NDUFA10: variants seen among roughly 807,000 people sequenced by gnomAD.
NDUFA10 encodes NADH dehydrogenase [ubiquinone] 1 alpha subcomplex subunit 10, mitochondrial.
In NDUFA10, 40 loss-of-function variants were observed where a neutral mutation model predicts 47.8. The ratio of observed to expected loss-of-function variants is 0.84; its 90% confidence interval spans 0.65 to 1.09. The LOEUF is 1.09. NDUFA10 is among the 50% of genes least tolerant of loss of function. The pLI is 0.00. For missense variants in NDUFA10, 413 were observed against 451.1 expected (o/e 0.92, Z 0.76); for synonymous variants, 183 against 172.2 (o/e 1.06, Z -0.49).
At position 239,985,417 on chromosome 2, in the gene NDUFA10, G is replaced by A. The variant is rs564927824; in HGVS notation, c.999+4657C>T. Among the ~76,000 whole-genome samples the A allele has an allele frequency of 2.2e-4, 33 of 151,936 alleles. 1 individual carries two copies. In the South Asian group the frequency reaches 6.5e-3, roughly 30 times the overall value. On this transcript the variant is annotated intron_variant, in intron 9 of 9. Coordinates refer to ENST00000252711, the MANE Select transcript of NDUFA10 (RefSeq NM_004544.4). The stretch of plus-strand genomic sequence containing the variant: ...AACAACAGATTAGAACGAGCTGAAA[G>A]GATGATTAGTAACTTGAAAGGCAGT...
At chr2:239,966,449 G>A (rs1695061865) in intron 9 of NDUFA10, among the ~76,000 whole-genome samples, 1 of 152,184 alleles carries the variant, frequency 6.6e-6, no homozygotes. Context: ...ATGTGGCCCA[G>A]CCTGTTTGGG....
intron 4 of NDUFA10, among the ~76,000 whole-genome samples, chr2:239,935,088 G>A (rs1057326318): frequency 3.3e-5 from 5 of 152,130 alleles, no homozygotes; most frequent in East Asian, 1.9e-4. Flanking sequence ...CCTCTGGTCC[G>A]AAATAGCACC....
intron 4 of NDUFA10, among the ~76,000 whole-genome samples, chr2:239,915,303 CAGAGAT>C (rs200261199): frequency 0.093 from 12,528 of 134,922 alleles, 844 homozygotes; most frequent in East Asian, 0.26. Flanking sequence ...GACAGAGAGA[CAGAGAT>C]AAACATACAC....
intron 9 of NDUFA10, among the ~76,000 whole-genome samples, chr2:239,984,632 G>A (rs1338384512): frequency 3.9e-5 from 6 of 152,148 alleles, no homozygotes; most frequent in Non-Finnish European, 7.3e-5. Flanking sequence ...CTGTTAAAAC[G>A]GCTAACACAT....
At chr2:239,931,831 C>CTTTTTTTTTT (rs35581568) in intron 4 of NDUFA10, among the ~76,000 whole-genome samples, 2 of 90,182 alleles carry the variant, frequency 2.2e-5, no homozygotes, top group Admixed American at 1.5e-4. Flanking sequence ...TGCACCTCTG[C>CTTTTTTTTTT]TTTTTTTTTT....
At chr2:239,940,614 C>T (rs1447297003) in intron 4 of NDUFA10, among the ~76,000 whole-genome samples, 1 of 152,212 alleles carries the variant, frequency 6.6e-6, no homozygotes, top group African/African-American at 2.4e-5. Flanking sequence ...TCATGACTCT[C>T]ATAGAAATAT....
intron 8 of NDUFA10, among the ~76,000 whole-genome samples, chr2:239,993,656 G>A (rs893465819): frequency 2.6e-5 from 4 of 152,208 alleles, no homozygotes; most frequent in African/African-American, 7.2e-5. Context: ...CCTGGTGGGA[G>A]TGGGATGAAG....
At chr2:240,011,549 T>C (rs1018814199) in intron 6 of NDUFA10, 68 bp downstream of exon 6, 40 of 1,224,078 alleles carry the variant, frequency 3.3e-5, no homozygotes, top group Non-Finnish European at 4.9e-5. Context: ...CTCCCTGGGC[T>C]GTTGGGGCCT....
intron 1 of NDUFA10, 91 bp downstream of exon 1, chr2:240,025,136 C>G (rs1697804526): frequency 1.7e-6 from 2 of 1,195,650 alleles, no homozygotes; most frequent in Non-Finnish European, 2.2e-6. Context: ...GGAGCCGCCG[C>G]CAGAGGCCGG....
In NDUFA10 at chr2:239,915,088, CAG is replaced by C. The variant is rs543349109; in HGVS notation, c.295-19776_295-19775del. On this transcript the variant is annotated intron_variant, in intron 4 of 5. Coordinates refer to the NDUFA10 transcript ENST00000419408. The stretch of plus-strand genomic sequence containing the variant: ...ACAAATATACAGACACACACAGAGA[CAG>C]AGATACACAAACATACACACACACA... 1.1e-3 allele frequency among the ~76,000 whole-genome samples: 167 copies of C among 146,858 alleles called. 4 individuals carry two copies. The highest frequency in any genetic ancestry group is 3.3e-3 in the East Asian group (16 of 4,912).
intron 4 of NDUFA10, among the ~76,000 whole-genome samples, chr2:239,924,211 T>C (rs954500546): frequency 6.6e-6 from 1 of 152,072 alleles, no homozygotes; most frequent in Non-Finnish European, 1.5e-5. Context: ...GCGACTGGTA[T>C]TACCTTAATA....
In NDUFA10 at chr2:239,918,817, C is replaced by T. The variant is rs1006760898; in HGVS notation, c.295-23503G>A. 2.0e-5 allele frequency among the ~76,000 whole-genome samples: 3 copies of T among 152,350 alleles called. 1 individual carries two copies. Among genetic ancestry groups the T allele is most frequent in the Admixed American group, 2.0e-4 (3 of 15,304 alleles). ...GTGTCCTCGCTCTCCACGCTGAGGG[C>T]TTGCCAAGGACACAGCCAGTTCAGG... is the stretch of plus-strand genomic sequence containing the variant. On this transcript the variant is annotated intron_variant, in intron 4 of 5. Transcript: ENST00000419408.
At position 239,958,546 on chromosome 2, in the gene NDUFA10, C is replaced by T. The variant is rs1694724268; in HGVS notation, c.*2572G>A. 6.6e-6 allele frequency: 1 copy of T among 152,248 alleles called. No individual in the cohort carries two copies. Among genetic ancestry groups the T allele is most frequent in the Admixed American group, 6.5e-5 (1 of 15,286 alleles). The allele number at this position is 152,248 out of a possible 1,614,324, so 9.4% of individuals were successfully genotyped here. A position where few individuals can be genotyped will look rare whatever the true frequency, so the allele number is the denominator to read the frequency against. ...TTTCCCTGCTGTTCTTGCCACAACA[C>T]CTAGGCAGAACATGGAGGTTCCACA... is the stretch of plus-strand genomic sequence containing the variant. On this transcript the variant is annotated 3_prime_UTR_variant, in exon 10 of 10. Coordinates refer to ENST00000252711, the MANE Select transcript of NDUFA10 (RefSeq NM_004544.4).
intron 4 of NDUFA10, among the ~76,000 whole-genome samples, chr2:239,912,884 G>A (rs1431966282): frequency 1.3e-5 from 2 of 152,208 alleles, no homozygotes; most frequent in Non-Finnish European, 2.9e-5. Flanking sequence ...AGACCTCCTT[G>A]TCCCTGATCT....
rs1694725316 is a variant in NDUFA10 at position 239,958,601 on chromosome 2, G to C, written c.*2517C>G. 6.6e-6 allele frequency: 1 copy of C among 152,222 alleles called. No individual in the cohort carries two copies. Among genetic ancestry groups the C allele is most frequent in the South Asian group, 2.1e-4 (1 of 4,836 alleles). The allele number at this position is 152,222 out of a possible 1,614,324, so 9.4% of individuals were successfully genotyped here. ...CCTGGTGGACAGCAGCCAGCAGCCT[G>C]GCAGCGTGGGGCTGGTGAGCTGCTG... On this transcript the variant is annotated 3_prime_UTR_variant, in exon 10 of 10. Coordinates refer to ENST00000252711, the MANE Select transcript of NDUFA10 (RefSeq NM_004544.4).
At chr2:239,975,005 C>CA (rs1217599756) in intron 9 of NDUFA10, among the ~76,000 whole-genome samples, 5 of 130,362 alleles carry the variant, frequency 3.8e-5, no homozygotes, top group African/African-American at 1.5e-4. Context: ...ATGTGACACT[C>CA]CTCCGCCACC....
chr2:239,935,522 A>G (rs920732937), intron 4 of NDUFA10, among the ~76,000 whole-genome samples: 4 of 152,172 alleles, frequency 2.6e-5, no homozygotes, highest in Non-Finnish European at 5.9e-5. Context: ...ATTTTCCCAC[A>G]GAGTTGAGGA....
At position 239,958,957 on chromosome 2, in the gene NDUFA10, G is replaced by T; in HGVS notation, c.*2161C>A. 1.0e-6 allele frequency: 1 copy of T among 985,450 alleles called. No homozygotes were observed. Among genetic ancestry groups the T allele is most frequent in the African/African-American group, 1.7e-5 (1 of 57,376 alleles). The allele number at this position is 985,450 out of a possible 1,614,324, so 61.0% of individuals were successfully genotyped here. ...GTTTGTTGGTGCTGTTGTTTTAGTTGTAAGAGCTTTCGTGAGACGAACGCA... is the reference window on the plus strand; with the variant it reads ...GTTTGTTGGTGCTGTTGTTTTAGTTTTAAGAGCTTTCGTGAGACGAACGCA... On this transcript the variant is annotated 3_prime_UTR_variant, in exon 10 of 10. Transcript: ENST00000252711.
rs1694740442 is a variant in NDUFA10, at chr2:239,959,068, A to G, written c.*2050T>C. 2 of 985,476 alleles carry G rather than the reference A, an allele frequency of 2.0e-6. No homozygotes were observed. The highest frequency in any genetic ancestry group is 2.4e-6 in the Non-Finnish European group (2 of 829,940). The allele number at this position is 985,476 out of a possible 1,614,324, so 61.0% of individuals were successfully genotyped here. A position where few individuals can be genotyped will look rare whatever the true frequency, so the allele number is the denominator to read the frequency against. On this transcript the variant is annotated 3_prime_UTR_variant, in exon 10 of 10. Transcript: ENST00000252711. ...TGGAGAGAAGAATTGGACAGTGTTT[A>G]TTCATCTTTCTCTGCTGAACATGCA... is the stretch of plus-strand genomic sequence containing the variant.
Sources: allele counts gnomAD v4.1 joint callset (sites outside exome capture counted in the v4.1 genomes callset), GRCh38; gene constraint gnomAD v4.1.1; transcripts MANE v1.5; gene names NCBI Gene and HGNC (gene_info 2026-07-23, HGNC 2026-07-21).